Variants in HCN4 observed in about 807,000 individuals in gnomAD.
HCN4 encodes hyperpolarization activated cyclic nucleotide gated potassium channel 4, also known as potassium/sodium hyperpolarization-activated cyclic nucleotide-gated channel 4.
Under a neutral mutation model 76.9 loss-of-function variants are expected in HCN4, and 29 were observed. That is an observed-to-expected ratio of 0.38 (90% CI 0.28 to 0.51). The LOEUF (loss-of-function observed/expected upper bound fraction) is 0.51, where lower values mean the gene tolerates loss of function less well. HCN4 is among the 20% of genes least tolerant of loss of function. The pLI, the probability that HCN4 is intolerant of heterozygous loss-of-function variation, is 0.90. For synonymous variants in HCN4, 772 were observed against 762.5 expected (o/e 1.01, Z -0.21); for missense variants, 1,416 against 1,715.2 (o/e 0.83, Z 3.08).
rs770658894 is a variant in HCN4, at chr15:73,322,888, G to A, written c.3205C>T (p.Arg1069Trp). The A allele has an allele frequency of 3.3e-5, 48 of 1,450,624 alleles. No homozygotes were observed. The highest frequency in any genetic ancestry group is 3.6e-5 in the Non-Finnish European group (40 of 1,100,160). 89.9% of individuals were successfully genotyped at this position (1,450,624 alleles called of 1,614,324 possible). A position where few individuals can be genotyped will look rare whatever the true frequency, so the allele number is the denominator to read the frequency against. Residue 1069 changes from arginine (R) to tryptophan (W), a missense_variant, in exon 8 of 8, where the codon CGG (arginine) becomes TGG (tryptophan). This residue lies in a region of HCN4 where 633 missense variants were observed against 579.8 expected (regional missense o/e 1.09). Transcript: ENST00000261917. ...CCGGGGGTGAGCGGGGGTGTGCCCC[G>A]GCGCTGGGGGACCTGGGGTGGTGGG... Reference protein sequence around the residue: ...SPPPPQVPQRRGTPPLTPGRL... With the variant: ...SPPPPQVPQRWGTPPLTPGRL...
Position 73,325,569 on chromosome 15 carries a change from C to G in HCN4, c.1591-125G>C. 3.1e-6 allele frequency: 3 copies of G among 961,776 alleles called. No homozygotes were observed. Among genetic ancestry groups the G allele is most frequent in the Non-Finnish European group, 5.0e-6 (3 of 598,134 alleles). The allele number at this position is 961,776 out of a possible 1,614,324, so 59.6% of individuals were successfully genotyped here. On this transcript the variant is annotated intron_variant, in intron 4 of 7. Transcript: ENST00000261917. The surrounding 1 kb of genome is among the most constrained non-coding windows in gnomAD (Gnocchi z 7.4). ...GGGGATTTCCTGGCTAAACTTGGTT[C>G]CTTGAGATCTGAGGTCTACAGTGTG...
In HCN4 at chr15:73,325,009, C is replaced by T. The variant is rs779402752; in HGVS notation, c.1924G>A (p.Val642Met). 2.5e-5 allele frequency: 41 copies of T among 1,614,052 alleles called. No homozygotes were observed. The highest frequency in any genetic ancestry group is 3.4e-6 in the Non-Finnish European group (4 of 1,180,034). Residue 642 changes from valine to methionine, a missense_variant, in exon 6 of 8, where the codon GTG becomes ATG. By Grantham distance (21) the Val-to-Met change is conservative. Around this residue, in one of 6 missense-constraint regions of HCN4, gnomAD observed 241 missense variants for 379.4 expected, o/e 0.64. Coordinates refer to ENST00000261917, the MANE Select transcript of HCN4 (RefSeq NM_005477.3). The surrounding 1 kb of genome is among the most constrained non-coding windows in gnomAD (Gnocchi z 7.4). Reference protein sequence around the residue: ...MYFIQHGVVSVLTKGNKETKL... With the variant: ...MYFIQHGVVSMLTKGNKETKL... ...GTCTCCTTGTTGCCCTTGGTGAGCA[C>T]GCTGACCACGCCATGCTGGATGAAG...
chr15:73,322,133 T>A lies in HCN4; in HGVS notation c.*348A>T, dbSNP rs965197193. The A allele has an allele frequency of 4.5e-5, 15 of 329,708 alleles. No homozygotes were observed. The highest frequency in any genetic ancestry group is 8.1e-5 in the Non-Finnish European group (14 of 172,078). The allele number at this position is 329,708 out of a possible 1,614,324, so 20.4% of individuals were successfully genotyped here. A position where few individuals can be genotyped will look rare whatever the true frequency, so the allele number is the denominator to read the frequency against. ...CAGCTGTTTCTCTAAATGAACACAA[T>A]GACACATCTGCTCTAAGAACCGCCA... On this transcript the variant is annotated 3_prime_UTR_variant, in exon 8 of 8. Transcript: ENST00000261917.
chr15:73,328,240 T>A lies in HCN4; in HGVS notation c.1590+1333A>T, dbSNP rs2042912217. Reference sequence around the variant, plus strand: ...GTGGAGAGGGTGTCAGGTGGACACCTGGGGAGGAGAGTTGAGGGTGAAAGC... The same window carrying A: ...GTGGAGAGGGTGTCAGGTGGACACCAGGGGAGGAGAGTTGAGGGTGAAAGC... On this transcript the variant is annotated intron_variant, in intron 4 of 7. Coordinates refer to ENST00000261917, the MANE Select transcript of HCN4 (RefSeq NM_005477.3). The surrounding 1 kb of genome is among the most constrained non-coding windows in gnomAD (Gnocchi z 4.0). 6.6e-6 allele frequency among the ~76,000 whole-genome samples: 1 copy of A among 151,646 alleles called. No individual in the cohort carries two copies. The highest frequency in any genetic ancestry group is 2.4e-5 in the African/African-American group (1 of 41,226).
chr15:73,348,919 C>G (rs531994730), intron 1 of HCN4, among the ~76,000 whole-genome samples: 6 of 152,320 alleles, frequency 3.9e-5, no homozygotes, highest in Non-Finnish European at 7.4e-5. Context: ...CTACAGCCAA[C>G]GACTCCAGAG....
intron 1 of HCN4, among the ~76,000 whole-genome samples, chr15:73,364,927 G>T (rs2151227499): frequency 6.6e-6 from 1 of 152,320 alleles, no homozygotes; most frequent in African/African-American, 2.4e-5. Context: ...ATCTATCATT[G>T]TTTGCTGGCA....
rs1016027191 is a variant in HCN4, at chr15:73,367,723, G to A, written c.548C>T (p.Ser183Leu). ...CTCCACTTTGATAGCGGTGTCCACC[G>A]AGGGCTGCTCGCAGGAGGCGGAGGC... ...QPASASCEQP[S>L]VDTAIKVEGG... The change falls in exon 1 of 8, where the codon TCG becomes TTG. Residue 183 changes from serine (S) to leucine (L), a missense_variant. Transcript: ENST00000261917. The surrounding 1 kb of genome is among the most constrained non-coding windows in gnomAD (Gnocchi z 7.5). The A allele has an allele frequency of 3.1e-6, 5 of 1,594,448 alleles. No individual in the cohort carries two copies. Among genetic ancestry groups the A allele is most frequent in the Non-Finnish European group, 4.2e-6 (5 of 1,177,860 alleles).
At chr15:73,345,936 C>A (rs939341327) in intron 1 of HCN4, among the ~76,000 whole-genome samples, 7 of 152,124 alleles carry the variant, frequency 4.6e-5, no homozygotes, top group African/African-American at 1.4e-4. Context: ...TCTACACTCT[C>A]CCCAGCTCTA....
Position 73,321,606 on chromosome 15 carries a change from G to A in HCN4, c.*875C>T, listed in dbSNP as rs928564323. ...GCCCCAGAGGTGGCGGTGTGTGCTT[G>A]AGGCCCTAGGAAAGGGGAGTCTTCC... On this transcript the variant is annotated 3_prime_UTR_variant, in exon 8 of 8. Transcript: ENST00000261917. 1.3e-5 allele frequency: 2 copies of A among 152,764 alleles called. No homozygotes were observed. The highest frequency in any genetic ancestry group is 4.8e-5 in the African/African-American group (2 of 41,472). The allele number at this position is 152,764 out of a possible 1,614,324, so 9.5% of individuals were successfully genotyped here. A position where few individuals can be genotyped will look rare whatever the true frequency, so the allele number is the denominator to read the frequency against.
At chr15:73,355,559 G>A (rs921826553) in intron 1 of HCN4, among the ~76,000 whole-genome samples, 3 of 152,206 alleles carry the variant, frequency 2.0e-5, no homozygotes, top group African/African-American at 7.2e-5. Context: ...CAGGGTACAT[G>A]AGGGGCTGGG....
chr15:73,368,469 C>G lies in HCN4; in HGVS notation c.-199G>C, dbSNP rs2043141304. The G allele has an allele frequency of 2.7e-6, 1 of 366,210 alleles. No individual in the cohort carries two copies. Among genetic ancestry groups the G allele is most frequent in the Non-Finnish European group, 4.8e-6 (1 of 207,282 alleles). The allele number at this position is 366,210 out of a possible 1,614,324, so 22.7% of individuals were successfully genotyped here. A position where few individuals can be genotyped will look rare whatever the true frequency, so the allele number is the denominator to read the frequency against. ...GTCCCGCTCCGAGTCCCCGGGCTCG[C>G]CGCGCTACACCTCCTCCCGGGCCCG... On this transcript the variant is annotated 5_prime_UTR_variant, in exon 1 of 8. Coordinates refer to ENST00000261917, the MANE Select transcript of HCN4 (RefSeq NM_005477.3). The surrounding 1 kb of genome is among the most constrained non-coding windows in gnomAD (Gnocchi z 6.9).
chr15:73,324,084 C>G lies in HCN4; in HGVS notation c.2143+5G>C, dbSNP rs547362030. The G allele has an allele frequency of 2.1e-5, 34 of 1,612,880 alleles. No homozygotes were observed. Among genetic ancestry groups the G allele is most frequent in the East Asian group, 4.5e-5 (2 of 44,876 alleles). ...CCTGCCCCGCCTGTGGCCCCTCCCC[C>G]TCACCAATGCGGTCCAGGCGGTCCA... On this transcript the variant is annotated splice_donor_5th_base_variant and intron_variant, in intron 7 of 7. Transcript: ENST00000261917.
chr15:73,339,444 C>A (rs2151219969), intron 2 of HCN4, among the ~76,000 whole-genome samples: 1 of 152,290 alleles, frequency 6.6e-6, no homozygotes, highest in Middle Eastern at 3.4e-3. Flanking sequence ...CAGCCTGGGG[C>A]AAGCTTTCCC....
chr15:73,348,735 G>A (rs2151222618), intron 1 of HCN4, among the ~76,000 whole-genome samples: 1 of 152,324 alleles, frequency 6.6e-6, no homozygotes. Context: ...TCCCTGCAGT[G>A]CTGACTGTAG....
At chr15:73,347,902 C>A (rs1405996348) in intron 1 of HCN4, among the ~76,000 whole-genome samples, 1 of 152,166 alleles carries the variant, frequency 6.6e-6, no homozygotes, top group Non-Finnish European at 1.5e-5. Context: ...GCTCTGGGAG[C>A]CCCAGCAGCC....
In HCN4 at chr15:73,343,838, G is replaced by A. The variant is rs1399702888; in HGVS notation, c.786-30C>T. ...CCAGAGACACAGGGGTCAGTCGCCA[G>A]GAAGAGAGAGAGGACAAGTTACAGA... On this transcript the variant is annotated intron_variant, in intron 1 of 7. Transcript: ENST00000261917. The surrounding 1 kb of genome is among the most constrained non-coding windows in gnomAD (Gnocchi z 5.7). 2.5e-6 allele frequency: 4 copies of A among 1,610,866 alleles called. No individual in the cohort carries two copies. In the South Asian group the frequency reaches 4.4e-5, roughly 18 times the overall value.
chr15:73,368,035 C>A lies in HCN4; in HGVS notation c.236G>T (p.Gly79Val). ...SSALGAADSEGPARGAGKSST... is the reference protein window; with the variant it reads ...SSALGAADSEVPARGAGKSST... Reference sequence around the variant, plus strand: ...GGACTTGCCCGCGCCGCGGGCCGGCCCTTCGCTGTCCGCTGCCCCGAGGGC... The same window carrying A: ...GGACTTGCCCGCGCCGCGGGCCGGCACTTCGCTGTCCGCTGCCCCGAGGGC... The change falls in exon 1 of 8, where the codon GGG becomes GTG. Residue 79 changes from glycine to valine, a missense_variant. By Grantham distance (109) the Gly-to-Val change is moderately radical. This residue lies in a region of HCN4 where 355 missense variants were observed against 347.8 expected (regional missense o/e 1.02). Coordinates refer to ENST00000261917, the MANE Select transcript of HCN4 (RefSeq NM_005477.3). The surrounding 1 kb of genome is among the most constrained non-coding windows in gnomAD (Gnocchi z 6.9). 6.9e-7 allele frequency: 1 copy of A among 1,450,958 alleles called. No homozygotes were observed. Among genetic ancestry groups the A allele is most frequent in the Non-Finnish European group, 9.0e-7 (1 of 1,108,308 alleles). 89.9% of individuals were successfully genotyped at this position (1,450,958 alleles called of 1,614,324 possible).
At chr15:73,330,252 G>A (rs192877121) in intron 3 of HCN4, among the ~76,000 whole-genome samples, 132 of 152,388 alleles carry the variant, frequency 8.7e-4, no homozygotes, top group African/African-American at 3.1e-3. Flanking sequence ...GGCGGACTGA[G>A]CCGAAAAACA....
rs1595818404 is a variant in HCN4, at chr15:73,321,193, G to A, written c.*1288C>T. 1 of 152,200 alleles carries A rather than the reference G, an allele frequency of 6.6e-6. No homozygotes were observed. The highest frequency in any genetic ancestry group is 6.5e-5 in the Admixed American group (1 of 15,274). The allele number at this position is 152,200 out of a possible 1,614,324, so 9.4% of individuals were successfully genotyped here. ...AACTTGCCCAAGATCATACAGCTAA[G>A]AAGTGGCAGGGCTGGGATTCAAACC... is the stretch of plus-strand genomic sequence containing the variant. On this transcript the variant is annotated 3_prime_UTR_variant, in exon 8 of 8. Coordinates refer to ENST00000261917, the MANE Select transcript of HCN4 (RefSeq NM_005477.3).
Sources: gnomAD v4.1 joint callset for allele counts (sites outside exome capture counted in the v4.1 genomes callset) on GRCh38, gnomAD v4.1.1 for gene constraint, gnomAD v4.1.1 regional missense constraint, Gnocchi (gnomAD v3.1) non-coding constraint, MANE v1.5 for transcripts, NCBI Gene and HGNC (gene_info 2026-07-23, HGNC 2026-07-21) for gene names.